GJA3: variants seen among roughly 807,000 people sequenced by gnomAD.
GJA3 encodes the protein gap junction protein alpha 3.
For missense variants in GJA3, 571 were observed against 620.3 expected (o/e 0.92, Z 0.84); for synonymous variants, 297 against 292.6 (o/e 1.02, Z -0.15).
intron 1 of GJA3, among the ~76,000 whole-genome samples, chr13:20,148,277 A>G (rs796229014): frequency 0.025 from 1,467 of 58,376 alleles, 28 homozygotes; most frequent in African/African-American, 0.12. Flanking sequence ...TTTTTTTTTG[A>G]GACAGAGTCT....
rs1371766913 is a variant in GJA3, at chr13:20,138,481, T to C, written c.*3500A>G. On this transcript the variant is annotated 3_prime_UTR_variant, in exon 2 of 2. Transcript: ENST00000241125. The stretch of plus-strand genomic sequence containing the variant: ...AATCCCTAACTTGTTTGCCTTATTA[T>C]AATGTTCTGTAACGTAAAGGGGAAA... 1 of 152,226 alleles carries C rather than the reference T, an allele frequency of 6.6e-6. No homozygotes were observed. The highest frequency in any genetic ancestry group is 1.5e-5 in the Non-Finnish European group (1 of 68,038). The allele number at this position is 152,226 out of a possible 1,614,324, so 9.4% of individuals were successfully genotyped here. A position where few individuals can be genotyped will look rare whatever the true frequency, so the allele number is the denominator to read the frequency against.
chr13:20,161,044 CCA>C lies in GJA3; in HGVS notation c.-174_-173del, dbSNP rs1363683619. 2 of 152,896 alleles carry C rather than the reference CCA, an allele frequency of 1.3e-5. No homozygotes were observed. Among genetic ancestry groups the C allele is most frequent in the African/African-American group, 2.4e-5 (1 of 41,352 alleles). 9.5% of individuals were successfully genotyped at this position (152,896 alleles called of 1,614,324 possible). The stretch of plus-strand genomic sequence containing the variant: ...CGCCCTGATCGCCATCCCTGCAGCC[CCA>C]GTGTGCGCTGCGCCCGACGCCCCCA... On this transcript the variant is annotated 5_prime_UTR_variant, in exon 1 of 2. Coordinates refer to ENST00000241125, the MANE Select transcript of GJA3 (RefSeq NM_021954.4).
intron 1 of GJA3, among the ~76,000 whole-genome samples, chr13:20,153,178 T>C (rs983428304): frequency 3.4e-5 from 5 of 146,146 alleles, no homozygotes; most frequent in Non-Finnish European, 6.2e-5. Flanking sequence ...TTTTAAAAAA[T>C]ACAGAATTCA....
chr13:20,141,400 T>C lies in GJA3; in HGVS notation c.*581A>G, dbSNP rs61950897. On this transcript the variant is annotated 3_prime_UTR_variant, in exon 2 of 2. Coordinates refer to ENST00000241125, the MANE Select transcript of GJA3 (RefSeq NM_021954.4). ...GTCACTTGTCATGAGGCCTGAAGCT[T>C]GATATCCTGGGCTTCACATGCAATT... 0.027 allele frequency: 4,138 copies of C among 152,702 alleles called. 96 individuals are homozygous for C. The highest frequency in any genetic ancestry group is 0.065 in the Middle Eastern group (19 of 294). The allele number at this position is 152,702 out of a possible 1,614,324, so 9.5% of individuals were successfully genotyped here.
chr13:20,150,568 T>C (rs1049945750), intron 1 of GJA3, among the ~76,000 whole-genome samples: 3 of 152,250 alleles, frequency 2.0e-5, no homozygotes, highest in Admixed American at 1.3e-4. Context: ...TGTTTTATCC[T>C]TTTAACTCTG....
chr13:20,151,934 A>G (rs951043861), intron 1 of GJA3, among the ~76,000 whole-genome samples: 3 of 152,118 alleles, frequency 2.0e-5, no homozygotes, highest in African/African-American at 7.2e-5. Context: ...AGGTGTGAGA[A>G]AAGGCCCGGC....
chr13:20,148,928 TC>T (rs1295235440), intron 1 of GJA3, among the ~76,000 whole-genome samples: 1 of 152,230 alleles, frequency 6.6e-6, no homozygotes, highest in Non-Finnish European at 1.5e-5. Flanking sequence ...GTGTTTATGA[TC>T]TCCCATGAGA....
intron 1 of GJA3, among the ~76,000 whole-genome samples, chr13:20,159,456 C>CAAAAAAA (rs57613247): frequency 5.8e-5 from 3 of 51,748 alleles, no homozygotes; most frequent in Non-Finnish European, 5.9e-5. Flanking sequence ...GACTCCATCT[C>CAAAAAAA]AAAAAAAAAA....
Position 20,143,112 on chromosome 13 carries a change from C to T in GJA3, c.177G>A (p.Pro59=), listed in dbSNP as rs1958822581. The change falls in exon 2 of 2, where the codon CCG becomes CCA. Residue 59 remains proline (P), a synonymous_variant. Transcript: ENST00000241125. The stretch of plus-strand genomic sequence containing the variant: ...TGTCGTAGCAGACGTTCTCGCAGCC[C>T]GGCTGCTGGGTGTTGCAGGTGAAGT... ...QSDFTCNTQQ[P]GCENVCYDRA... is the part of the protein sequence containing the mutation. 4 of 1,613,598 alleles carry T rather than the reference C, an allele frequency of 2.5e-6. No homozygotes were observed. Among genetic ancestry groups the T allele is most frequent in the East Asian group, 2.2e-5 (1 of 44,864 alleles).
At chr13:20,147,927 G>T (rs4769088) in intron 1 of GJA3, among the ~76,000 whole-genome samples, 1 of 151,626 alleles carries the variant, frequency 6.6e-6, no homozygotes, top group Non-Finnish European at 1.5e-5. Context: ...GCAATCTCCC[G>T]TATCAGGCGC....
chr13:20,143,356 G>C (rs892888317), intron 1 of GJA3, 51 bp from the exon 2 acceptor site: 4 of 1,338,234 alleles, frequency 3.0e-6, no homozygotes, highest in Non-Finnish European at 4.0e-6. Context: ...CTGAGTGCCG[G>C]GTCCGCACCC....
At chr13:20,153,215 G>C (rs1226690266) in intron 1 of GJA3, among the ~76,000 whole-genome samples, 2 of 151,994 alleles carry the variant, frequency 1.3e-5, no homozygotes, top group African/African-American at 4.8e-5. Context: ...ATAACAAAAG[G>C]AACAAAAGAC....
chr13:20,153,159 C>G (rs6490523), intron 1 of GJA3, among the ~76,000 whole-genome samples: 24,627 of 151,928 alleles, frequency 0.16, 4,237 homozygotes, highest in African/African-American at 0.44. Flanking sequence ...TCATAGTTCT[C>G]ATCTGACTTT....
chr13:20,158,953 A>C (rs1017395444), intron 1 of GJA3, among the ~76,000 whole-genome samples: 1 of 151,520 alleles, frequency 6.6e-6, no homozygotes, highest in Non-Finnish European at 1.5e-5. Context: ...GAAAAAGAAA[A>C]AAAGCAAGCA....
intron 1 of GJA3, among the ~76,000 whole-genome samples, chr13:20,153,057 C>CTT (rs372835987): frequency 6.5e-4 from 99 of 152,294 alleles, no homozygotes; most frequent in African/African-American, 2.3e-3. Flanking sequence ...TCTTTCATTC[C>CTT]TTGCCTATTT....
rs1298347140 is a variant in GJA3 at position 20,140,376 on chromosome 13, T to C, written c.*1605A>G. On this transcript the variant is annotated 3_prime_UTR_variant, in exon 2 of 2. Coordinates refer to ENST00000241125, the MANE Select transcript of GJA3 (RefSeq NM_021954.4). ...TGGAAATTGCATTCCTTTCATCAGA[T>C]TGTTAGTGGAGCACCCTTTATGATA... 6.6e-6 allele frequency: 1 copy of C among 152,180 alleles called. No homozygotes were observed. The highest frequency in any genetic ancestry group is 6.5e-5 in the Admixed American group (1 of 15,268). 9.4% of individuals were successfully genotyped at this position (152,180 alleles called of 1,614,324 possible). A position where few individuals can be genotyped will look rare whatever the true frequency, so the allele number is the denominator to read the frequency against.
intron 1 of GJA3, among the ~76,000 whole-genome samples, chr13:20,152,690 A>G (rs545560897): frequency 6.6e-6 from 1 of 152,346 alleles, no homozygotes; most frequent in East Asian, 1.9e-4. Flanking sequence ...TATACTGACA[A>G]TTTACAACAC....
At position 20,140,202 on chromosome 13, in the gene GJA3, GAGAA is replaced by G. The variant is rs1706573306; in HGVS notation, c.*1775_*1778del. 1 of 152,170 alleles carries G rather than the reference GAGAA, an allele frequency of 6.6e-6. No individual in the cohort carries two copies. The highest frequency in any genetic ancestry group is 2.4e-5 in the African/African-American group (1 of 41,436). The allele number at this position is 152,170 out of a possible 1,614,324, so 9.4% of individuals were successfully genotyped here. A position where few individuals can be genotyped will look rare whatever the true frequency, so the allele number is the denominator to read the frequency against. ...TAATTTCTCTCTTGTCAATCTGGTT[GAGAA>G]AGTCTCTGAGGAGACGTATGGAAAA... On this transcript the variant is annotated 3_prime_UTR_variant, in exon 2 of 2. Coordinates refer to ENST00000241125, the MANE Select transcript of GJA3 (RefSeq NM_021954.4).
At chr13:20,150,658 C>T (rs922589579) in intron 1 of GJA3, among the ~76,000 whole-genome samples, 1 of 152,172 alleles carries the variant, frequency 6.6e-6, no homozygotes, top group African/African-American at 2.4e-5. Flanking sequence ...CCTCCCACCT[C>T]TCAAGACAAT....
Sources: gnomAD v4.1 joint callset for allele counts (sites outside exome capture counted in the v4.1 genomes callset) on GRCh38, gnomAD v4.1.1 for gene constraint, MANE v1.5 for transcripts, NCBI Gene and HGNC (gene_info 2026-07-23, HGNC 2026-07-21) for gene names.